The following STK32A variants were observed in gnomAD, a reference collection of about 807,000 sequenced individuals.
STK32A encodes the protein serine/threonine-protein kinase 32A.
Under a neutral mutation model 53.2 loss-of-function variants are expected in STK32A, and 41 were observed. The observed-to-expected ratio is 0.77, with a 90% CI of 0.60 to 1.00. The LOEUF is 1.00. Among genes scored for constraint, STK32A ranks in the 50% least tolerant of loss-of-function variants. The pLI, the probability that STK32A is intolerant of heterozygous loss-of-function variation, is 0.00. For missense variants in STK32A, 458 were observed against 485.8 expected (o/e 0.94, Z 0.54); for synonymous variants, 166 against 162.8 (o/e 1.02, Z -0.15).
intron 10 of STK32A, among the ~76,000 whole-genome samples, chr5:147,374,607 AG>A (rs1258624155): frequency 1.3e-5 from 2 of 152,132 alleles, no homozygotes; most frequent in Admixed American, 6.5e-5. Flanking sequence ...CCCTGCAATT[AG>A]CCATCAATGC....
At chr5:147,349,642 A>G (rs1370788392) in intron 6 of STK32A, among the ~76,000 whole-genome samples, 1 of 152,122 alleles carries the variant, frequency 6.6e-6, no homozygotes, top group East Asian at 1.9e-4. Context: ...TGAGTGTTAA[A>G]GCTGAAAGAG....
At chr5:147,343,451 CT>C (rs1285486383) in intron 6 of STK32A, among the ~76,000 whole-genome samples, 5 of 152,186 alleles carry the variant, frequency 3.3e-5, no homozygotes, top group Non-Finnish European at 2.9e-5. Context: ...TTATTTTGTT[CT>C]CATTGCATCT....
At chr5:147,393,955 C>T in the STK32A span, 2 of 1,427,576 alleles carry the variant, frequency 1.4e-6, no homozygotes, top group Non-Finnish European at 2.0e-6. Flanking sequence ...GATTCGCTTT[C>T]CTTCTTAAAT....
the STK32A span, chr5:147,394,129 G>A: frequency 6.2e-7 from 1 of 1,613,464 alleles, no homozygotes; most frequent in Non-Finnish European, 8.5e-7. Context: ...GGTGCCTACA[G>A]TTGGAAATAA....
Position 147,279,394 on chromosome 5 carries a change from T to G in STK32A, c.256T>G (p.Leu86Val), listed in dbSNP as rs902632223. The change falls in exon 4 of 13, where the codon TTG becomes GTG. Residue 86 changes from leucine to valine, a missense_variant. Transcript: ENST00000397936. ...QGLEHPFLVN[L>V]WYSFQDEEDM... The stretch of plus-strand genomic sequence containing the variant: ...TCTGGAGCACCCTTTCCTGGTTAAT[T>G]TGTGGTGAGTAATTTTACTGGACCT... The G allele has an allele frequency of 1.9e-6, 3 of 1,576,718 alleles. No individual in the cohort carries two copies. Among genetic ancestry groups the G allele is most frequent in the Admixed American group, 3.7e-5 (2 of 53,422 alleles).
At chr5:147,397,255 T>C in the STK32A span, among the ~76,000 whole-genome samples, 12 of 151,662 alleles carry the variant, frequency 7.9e-5, no homozygotes, top group Admixed American at 7.9e-4. Flanking sequence ...GAAAATACAG[T>C]AGCTAAAATG....
At position 147,278,192 on chromosome 5, in the gene STK32A, T is replaced by G. The variant is rs760745452; in HGVS notation, c.108+13T>G. On this transcript the variant is annotated intron_variant, in intron 3 of 12. Transcript: ENST00000397936. ...CAGTTTTGGGAAGGTGAGAACAAAT[T>G]GAAATGATTAACCACCAGCAGGGTT... 7 of 1,588,420 alleles carry G rather than the reference T, an allele frequency of 4.4e-6. No individual in the cohort carries two copies. The highest frequency in any genetic ancestry group is 6.0e-6 in the Non-Finnish European group (7 of 1,165,808).
chr5:147,292,962 C>T (rs1300222745), intron 4 of STK32A, among the ~76,000 whole-genome samples: 3 of 152,098 alleles, frequency 2.0e-5, no homozygotes, highest in African/African-American at 7.2e-5. Flanking sequence ...AACTGATGAA[C>T]TTTTATATTA....
At chr5:147,350,043 G>A (rs532328236) in intron 6 of STK32A, among the ~76,000 whole-genome samples, 59 of 151,708 alleles carry the variant, frequency 3.9e-4, no homozygotes, top group African/African-American at 1.2e-3. Context: ...CCCGGGAGGC[G>A]GAGATTGCAG....
chr5:147,301,655 C>A (rs149066144), intron 4 of STK32A, among the ~76,000 whole-genome samples: 1 of 152,116 alleles, frequency 6.6e-6, no homozygotes, highest in Non-Finnish European at 1.5e-5. Context: ...TATTTCATCA[C>A]GCAGAAATAT....
At chr5:147,366,113 T>C (rs1756731301) in intron 8 of STK32A, among the ~76,000 whole-genome samples, 2 of 151,960 alleles carry the variant, frequency 1.3e-5, no homozygotes, top group South Asian at 4.2e-4. Flanking sequence ...CACAACAAAC[T>C]TCAGATGTCT....
chr5:147,253,337 G>A (rs1007254860), intron 2 of STK32A, among the ~76,000 whole-genome samples: 1 of 152,102 alleles, frequency 6.6e-6, no homozygotes, highest in Non-Finnish European at 1.5e-5. Flanking sequence ...CTTTTGGAGT[G>A]TTTAAATCAT....
chr5:147,350,887 A>T, intron 6 of STK32A, among the ~76,000 whole-genome samples, 178 bp from the exon 7 acceptor site: 1 of 152,212 alleles, frequency 6.6e-6, no homozygotes, highest in East Asian at 1.9e-4. Flanking sequence ...ATCAGAGACT[A>T]ATCATTGCAT....
intron 4 of STK32A, among the ~76,000 whole-genome samples, chr5:147,305,947 T>G (rs1412376635): frequency 6.6e-6 from 1 of 151,444 alleles, no homozygotes; most frequent in Non-Finnish European, 1.5e-5. Flanking sequence ...TGTGTACTTC[T>G]TATTTTTCTA....
At chr5:147,302,149 CTA>C (rs1191654821) in intron 4 of STK32A, among the ~76,000 whole-genome samples, 1 of 152,170 alleles carries the variant, frequency 6.6e-6, no homozygotes, top group East Asian at 1.9e-4. Context: ...ATTACAAACA[CTA>C]TTAGTATTTA....
intron 2 of STK32A, among the ~76,000 whole-genome samples, chr5:147,254,193 A>T (rs1044469395): frequency 6.6e-6 from 1 of 152,152 alleles, no homozygotes; most frequent in Admixed American, 6.5e-5. Context: ...CCCATTCTCA[A>T]ATAAATTTCA....
chr5:147,343,288 C>A, intron 6 of STK32A: 1 of 687,860 alleles, frequency 1.5e-6, no homozygotes, highest in Non-Finnish European at 2.7e-6. Flanking sequence ...CAATTTTCTT[C>A]CACTACTATA....
At chr5:147,249,178 G>A (rs1214741777) in intron 2 of STK32A, among the ~76,000 whole-genome samples, 1 of 151,898 alleles carries the variant, frequency 6.6e-6, no homozygotes, top group Non-Finnish European at 1.5e-5. Flanking sequence ...TTGTATGTGT[G>A]TATGCTTAGT....
At chr5:147,373,031 G>A (rs1306500416) in intron 9 of STK32A, 138 bp from the exon 10 acceptor site, 3 of 1,043,206 alleles carry the variant, frequency 2.9e-6, no homozygotes, top group South Asian at 1.5e-5. Context: ...GATCTACATT[G>A]TTTATGGGAT....
Sources: allele counts gnomAD v4.1 joint callset (sites outside exome capture counted in the v4.1 genomes callset), GRCh38; gene constraint gnomAD v4.1.1; transcripts MANE v1.5; gene names NCBI Gene and HGNC (gene_info 2026-07-23, HGNC 2026-07-21).